The following GRM1 variants were observed in gnomAD, a reference collection of about 807,000 sequenced individuals.
The protein encoded by GRM1 is glutamate metabotropic receptor 1, also known as metabotropic glutamate receptor 1.
A neutral mutation model predicts 90.9 loss-of-function variants in GRM1; 33 were observed. The observed-to-expected ratio is 0.36, with a 90% CI of 0.28 to 0.49. GRM1 has a LOEUF of 0.49. GRM1 is among the 20% of genes least tolerant of loss of function. GRM1 has a pLI of 0.99. For missense variants in GRM1, 1,190 were observed against 1,534.3 expected, an observed-to-expected ratio of 0.78 and a Z score of 3.75; for synonymous variants, 700 against 613.2, an observed-to-expected ratio of 1.14 and a Z score of -2.09.
At chr6:146,358,073 T>TA (rs1023275226) in intron 5 of GRM1, among the ~76,000 whole-genome samples, 1 of 152,212 alleles carries the variant, frequency 6.6e-6, no homozygotes, top group Non-Finnish European at 1.5e-5. Flanking sequence ...TGAACAATGC[T>TA]AAATAAGCAA....
At chr6:146,133,251 C>A (rs940178953) in intron 1 of GRM1, among the ~76,000 whole-genome samples, 1 of 152,166 alleles carries the variant, frequency 6.6e-6, no homozygotes, top group African/African-American at 2.4e-5. Flanking sequence ...ACATTACAGC[C>A]GAATTTGTCT....
intron 2 of GRM1, among the ~76,000 whole-genome samples, chr6:146,174,505 T>C (rs2114521445): frequency 6.6e-6 from 1 of 152,314 alleles, no homozygotes; most frequent in Non-Finnish European, 1.5e-5. Context: ...ATACTGTGTG[T>C]AGTTTGCTGG....
chr6:146,222,863 A>G (rs1267473191), intron 2 of GRM1, among the ~76,000 whole-genome samples: 1 of 152,118 alleles, frequency 6.6e-6, no homozygotes, highest in Admixed American at 6.6e-5. Flanking sequence ...GAGTAACATT[A>G]AATTGGGACC....
intron 5 of GRM1, among the ~76,000 whole-genome samples, chr6:146,383,280 A>T (rs1776385486): frequency 6.6e-6 from 1 of 152,172 alleles, no homozygotes; most frequent in South Asian, 2.1e-4. Flanking sequence ...TGCAGAATCT[A>T]CTTTCACCAG....
chr6:146,054,403 A>G (rs1314373021), intron 1 of GRM1, among the ~76,000 whole-genome samples: 1 of 152,094 alleles, frequency 6.6e-6, no homozygotes, highest in East Asian at 1.9e-4. Flanking sequence ...ATAAAATATA[A>G]TAATTATAAA....
intron 2 of GRM1, among the ~76,000 whole-genome samples, chr6:146,214,834 C>T (rs1354995267): frequency 6.6e-6 from 1 of 152,056 alleles, no homozygotes; most frequent in Non-Finnish European, 1.5e-5. Flanking sequence ...TGAGGAATGG[C>T]CAGTCTGAGG....
rs201173399 is a variant in GRM1 at position 146,426,871 on chromosome 6, A to AT, written c.2661-6991dup. On this transcript the variant is annotated intron_variant, in intron 7 of 7. Coordinates refer to ENST00000282753, the MANE Select transcript of GRM1 (RefSeq NM_001278064.2). ...TTGCTTTTTTATGTTTTGATGCACT[A>AT]TTTTTTTTTTCTGATTCTGGAGACT... Among the ~76,000 whole-genome samples the AT allele has an allele frequency of 6.1e-3, 908 of 148,204 alleles. 10 individuals are homozygous for AT. The highest frequency in any genetic ancestry group is 0.028 in the Middle Eastern group (8 of 286).
intron 1 of GRM1, among the ~76,000 whole-genome samples, chr6:146,137,351 A>G (rs886463709): frequency 2.6e-5 from 4 of 152,188 alleles, no homozygotes; most frequent in African/African-American, 7.2e-5. Flanking sequence ...TATATGGCAC[A>G]CTGGGGTCTA....
intron 2 of GRM1, among the ~76,000 whole-genome samples, chr6:146,267,450 A>G (rs1781933104): frequency 6.6e-6 from 1 of 152,152 alleles, no homozygotes; most frequent in Admixed American, 6.5e-5. Context: ...AATAGAATAT[A>G]TATAGGGGAG....
At chr6:146,433,082 C>T (rs1204692757) in intron 7 of GRM1, among the ~76,000 whole-genome samples, 5 of 152,164 alleles carry the variant, frequency 3.3e-5, no homozygotes, top group Admixed American at 2.6e-4. Flanking sequence ...TGTATTTTTC[C>T]TGGCTTCCTC....
At chr6:146,388,342 A>C (rs902660961) in intron 6 of GRM1, among the ~76,000 whole-genome samples, 3 of 151,998 alleles carry the variant, frequency 2.0e-5, no homozygotes, top group Admixed American at 2.0e-4. Context: ...TGCTGTTGAA[A>C]ATCATCCGTA....
At chr6:146,082,607 C>G (rs1260365826) in intron 1 of GRM1, among the ~76,000 whole-genome samples, 4 of 152,188 alleles carry the variant, frequency 2.6e-5, no homozygotes, top group African/African-American at 9.6e-5. Context: ...TCTATCAAAT[C>G]CATCTCTAAA....
chr6:146,140,391 C>T (rs1429926836), intron 1 of GRM1, among the ~76,000 whole-genome samples: 1 of 151,990 alleles, frequency 6.6e-6, no homozygotes, highest in Non-Finnish European at 1.5e-5. Context: ...GCCTTAACCA[C>T]CCAAGTAGCT....
chr6:146,380,881 C>G (rs1171914712), intron 5 of GRM1, among the ~76,000 whole-genome samples: 5 of 152,238 alleles, frequency 3.3e-5, no homozygotes, highest in Admixed American at 2.6e-4. Flanking sequence ...GCAACAGGTT[C>G]GCTTCTGGCC....
At chr6:146,227,513 A>G (rs1401789593) in intron 2 of GRM1, among the ~76,000 whole-genome samples, 3 of 152,214 alleles carry the variant, frequency 2.0e-5, no homozygotes, top group African/African-American at 7.2e-5. Context: ...TGGACTAATT[A>G]ATCTGTCTCC....
At chr6:146,340,778 T>A (rs1287679912) in intron 3 of GRM1, among the ~76,000 whole-genome samples, 3 of 152,044 alleles carry the variant, frequency 2.0e-5, no homozygotes, top group Non-Finnish European at 1.5e-5. Context: ...ACTCCTGACC[T>A]CGTGATCTGC....
chr6:146,046,302 T>A (rs551132335), intron 1 of GRM1, among the ~76,000 whole-genome samples: 54 of 152,140 alleles, frequency 3.5e-4, no homozygotes, highest in Non-Finnish European at 4.9e-4. Flanking sequence ...AAACAACCAC[T>A]ATTACTCAGC....
intron 2 of GRM1, among the ~76,000 whole-genome samples, chr6:146,290,450 T>G (rs900110638): frequency 6.6e-6 from 1 of 152,126 alleles, no homozygotes; most frequent in Non-Finnish European, 1.5e-5. Context: ...ACTGATAAAC[T>G]ATTCAGTTGC....
chr6:146,374,940 C>A lies in GRM1; in HGVS notation c.1603-11950C>A, dbSNP rs143826224. On this transcript the variant is annotated intron_variant, in intron 5 of 7. Transcript: ENST00000282753. ...TGGTTTTCTCTTGCTTTTTTAGTTC[C>A]TTAAGATGCACTGTTAGATTGTTCA... Among the ~76,000 whole-genome samples, 35 of 151,778 alleles carry A rather than the reference C, an allele frequency of 2.3e-4. No homozygotes were observed. In the East Asian group the frequency reaches 6.6e-3, roughly 29 times the overall value.
Sources: allele counts gnomAD v4.1 joint callset (sites outside exome capture counted in the v4.1 genomes callset), GRCh38; gene constraint gnomAD v4.1.1; transcripts MANE v1.5; gene names NCBI Gene and HGNC (gene_info 2026-07-23, HGNC 2026-07-21).